Variants in LRRTM4 observed in about 807,000 individuals in gnomAD.
LRRTM4 encodes the protein leucine rich repeat transmembrane neuronal 4.
A neutral mutation model predicts 47.6 loss-of-function variants in LRRTM4; 25 were observed. The observed-to-expected ratio is 0.53, with a 90% CI of 0.38 to 0.73. The LOEUF (loss-of-function observed/expected upper bound fraction) is 0.73. LRRTM4 is among the 30% of genes least tolerant of loss of function. The probability of loss-of-function intolerance (pLI) is 0.00; values close to 1 mark genes in which losing one functional copy is unlikely to be tolerated. For synonymous variants in LRRTM4, 311 were observed against 269.5 expected (o/e 1.15, Z -1.51); for missense variants, 638 against 713.4 (o/e 0.89, Z 1.20).
chr2:77,390,933 G>A (rs1673479173), intron 3 of LRRTM4, among the ~76,000 whole-genome samples: 1 of 151,590 alleles, frequency 6.6e-6, no homozygotes, highest in African/African-American at 2.4e-5. Context: ...ATGCAACACA[G>A]AGAAGAAATA....
At chr2:76,779,092 G>C (rs1487848168) in intron 3 of LRRTM4, among the ~76,000 whole-genome samples, 2 of 147,944 alleles carry the variant, frequency 1.4e-5, no homozygotes, top group African/African-American at 5.0e-5. Flanking sequence ...TCTTAATCCT[G>C]AGTTCTAGTT....
rs1034659870 is a variant in LRRTM4 at position 76,841,255 on chromosome 2, T to A, written c.1552-92339A>T. ...ACACATGGACACAGGAAGGGGAACA[T>A]CACACTCTGGGGACTGTTGTGGGGT... On this transcript the variant is annotated intron_variant, in intron 3 of 3. Coordinates refer to ENST00000409884, the MANE Select transcript of LRRTM4 (RefSeq NM_001134745.3). Among the ~76,000 whole-genome samples, 5 of 148,978 alleles carry A rather than the reference T, an allele frequency of 3.4e-5. No homozygotes were observed. In the South Asian group the frequency reaches 8.6e-4, roughly 26 times the overall value.
chr2:77,336,946 G>T (rs1671190028), intron 3 of LRRTM4, among the ~76,000 whole-genome samples: 2 of 152,076 alleles, frequency 1.3e-5, no homozygotes, highest in Non-Finnish European at 2.9e-5. Flanking sequence ...TTTTCAGATG[G>T]TATGATACTA....
intron 3 of LRRTM4, among the ~76,000 whole-genome samples, chr2:77,265,777 A>C (rs569561180): frequency 6.6e-6 from 1 of 152,320 alleles, no homozygotes; most frequent in Admixed American, 6.5e-5. Context: ...TTACTATATT[A>C]AAAAGTTAGA....
chr2:77,322,320 C>T lies in LRRTM4; in HGVS notation c.1551+195998G>A, dbSNP rs367599386. 6.6e-5 allele frequency among the ~76,000 whole-genome samples: 10 copies of T among 152,124 alleles called. No individual in the cohort carries two copies. In the East Asian group the frequency reaches 1.4e-3, roughly 21 times the overall value. The stretch of plus-strand genomic sequence containing the variant: ...ATTTCACCACTCCTTCTATGTGATC[C>T]AAATATATCTCTTTAAGTAACATAG... On this transcript the variant is annotated intron_variant, in intron 3 of 3. Coordinates refer to ENST00000409884, the MANE Select transcript of LRRTM4 (RefSeq NM_001134745.3).
At chr2:76,875,213 A>G (rs1672744619) in intron 3 of LRRTM4, among the ~76,000 whole-genome samples, 1 of 152,158 alleles carries the variant, frequency 6.6e-6, no homozygotes, top group African/African-American at 2.4e-5. Flanking sequence ...TTTGCCTCAG[A>G]TAAGATAAAT....
chr2:76,832,105 T>C (rs1202624046), intron 3 of LRRTM4, among the ~76,000 whole-genome samples: 1 of 152,132 alleles, frequency 6.6e-6, no homozygotes, highest in Non-Finnish European at 1.5e-5. Flanking sequence ...TTTCTGAACA[T>C]TCACTCTATA....
intron 3 of LRRTM4, among the ~76,000 whole-genome samples, chr2:76,935,814 C>CATTA (rs1674926656): frequency 6.6e-6 from 1 of 152,088 alleles, no homozygotes; most frequent in East Asian, 1.9e-4. Context: ...TCCTCTTTCC[C>CATTA]TCATTGAATA....
At chr2:77,386,815 A>G (rs1293266648) in intron 3 of LRRTM4, among the ~76,000 whole-genome samples, 1 of 152,108 alleles carries the variant, frequency 6.6e-6, no homozygotes, top group Non-Finnish European at 1.5e-5. Context: ...GAGGGAGAGC[A>G]TTAGGACAAA....
rs386390525 is a variant in LRRTM4 at position 77,083,783 on chromosome 2, C to CTTTTTTTT, written c.1552-334875_1552-334868dup. Among the ~76,000 whole-genome samples, 152 of 52,378 alleles carry CTTTTTTTT rather than the reference C, an allele frequency of 2.9e-3. 38 individuals carry two copies. Among genetic ancestry groups the CTTTTTTTT allele is most frequent in the Non-Finnish European group, 4.4e-3 (104 of 23,540 alleles). The allele number at this position is 52,378 out of a possible 152,430, so 34.4% of individuals were successfully genotyped here. A position where few individuals can be genotyped will look rare whatever the true frequency, so the allele number is the denominator to read the frequency against. On this transcript the variant is annotated intron_variant, in intron 3 of 3. Coordinates refer to ENST00000409884, the MANE Select transcript of LRRTM4 (RefSeq NM_001134745.3). ...ACTTCTCAATTTTTAACTGGACACA[C>CTTTTTTTT]TTTTTTTTTTTTTTTTTTTTTTTTT...
chr2:77,453,176 A>ATTTTTTTTTTTTTTTTTTTT (rs1162461607), intron 3 of LRRTM4, among the ~76,000 whole-genome samples: 23 of 99,494 alleles, frequency 2.3e-4, no homozygotes, highest in Non-Finnish European at 3.4e-4. Context: ...TTTCTTCTTG[A>ATTTTTTTTTTTTTTTTTTTT]TTTTTTTTTT....
At chr2:76,838,372 CAAG>C (rs949936971) in intron 3 of LRRTM4, among the ~76,000 whole-genome samples, 5 of 151,936 alleles carry the variant, frequency 3.3e-5, no homozygotes, top group Admixed American at 3.3e-4. Context: ...AGGCTTCTTG[CAAG>C]AAGTTTAATG....
At chr2:77,478,352 G>T (rs1338285349) in intron 3 of LRRTM4, among the ~76,000 whole-genome samples, 1 of 152,114 alleles carries the variant, frequency 6.6e-6, no homozygotes, top group Non-Finnish European at 1.5e-5. Context: ...CGTAGCTCGG[G>T]TTTCACAATC....
chr2:76,812,700 C>CTTTCTTTCTTTCTTTCTTTCTTTCT (rs1553413502), intron 3 of LRRTM4, among the ~76,000 whole-genome samples: 3 of 135,332 alleles, frequency 2.2e-5, no homozygotes, highest in Non-Finnish European at 4.8e-5. Context: ...TCTTTCTTTT[C>CTTTCTTTCTTTCTTTCTTTCTTTCT]TTTCTTTATT....
chr2:77,259,488 A>G (rs1170733011), intron 3 of LRRTM4, among the ~76,000 whole-genome samples: 1 of 152,074 alleles, frequency 6.6e-6, no homozygotes, highest in Non-Finnish European at 1.5e-5. Context: ...GTATCACTAC[A>G]CTGGTGAGGC....
intron 3 of LRRTM4, among the ~76,000 whole-genome samples, chr2:77,185,204 G>C (rs1022780948): frequency 6.6e-6 from 1 of 152,124 alleles, no homozygotes; most frequent in Admixed American, 6.6e-5. Flanking sequence ...AAGACACCCT[G>C]TACTCAATTC....
intron 3 of LRRTM4, among the ~76,000 whole-genome samples, chr2:76,891,482 T>C (rs1289018746): frequency 6.6e-6 from 1 of 151,678 alleles, no homozygotes; most frequent in Non-Finnish European, 1.5e-5. Flanking sequence ...CCAGTTAGAA[T>C]ATTGGAAAAG....
rs558960501 is a variant in LRRTM4, at chr2:77,287,098, T to G, written c.1551+231220A>C. 4.6e-5 allele frequency among the ~76,000 whole-genome samples: 7 copies of G among 152,138 alleles called. No homozygotes were observed. The South Asian group carries it at 1.5e-3, about 32-fold the overall frequency. On this transcript the variant is annotated intron_variant, in intron 3 of 3. Transcript: ENST00000409884. The stretch of plus-strand genomic sequence containing the variant: ...AGGCCACAGTGCCAAAAGAAGGACC[T>G]CTGTATCATTCACTGGGTGTGGAAA...
chr2:77,415,275 T>A (rs1284439828), intron 3 of LRRTM4, among the ~76,000 whole-genome samples: 1 of 152,192 alleles, frequency 6.6e-6, no homozygotes, highest in Non-Finnish European at 1.5e-5. Flanking sequence ...AACAGACTTC[T>A]CTTAGAGAAA....
Sources: gnomAD v4.1 joint callset for allele counts (sites outside exome capture counted in the v4.1 genomes callset) on GRCh38, gnomAD v4.1.1 for gene constraint, MANE v1.5 for transcripts, NCBI Gene and HGNC (gene_info 2026-07-23, HGNC 2026-07-21) for gene names.